RORA: variants seen among roughly 807,000 people sequenced by gnomAD.
RORA encodes the protein nuclear receptor ROR-alpha.
RORA carries 7 observed loss-of-function variants against 69.5 expected under a neutral mutation model. The ratio of observed to expected loss-of-function variants is 0.10; its 90% CI spans 0.06 to 0.19. RORA has a LOEUF of 0.19. Ranked by LOEUF, RORA falls within the 10% of genes least tolerant of loss-of-function variation. The probability of loss-of-function intolerance (pLI) is 1.00; values close to 1 mark genes in which losing one functional copy is unlikely to be tolerated. For synonymous variants in RORA, 261 were observed against 240.8 expected (o/e 1.08, Z -0.78); for missense variants, 457 against 663.0 (o/e 0.69, Z 3.41).
intron 2 of RORA, among the ~76,000 whole-genome samples, chr15:60,644,741 G>A (rs1290354535): frequency 1.3e-5 from 2 of 152,144 alleles, no homozygotes; most frequent in African/African-American, 4.8e-5. Context: ...TGGCTGGTGT[G>A]TGTCCTCCTT....
chr15:60,658,679 AC>A (rs2140712934), intron 2 of RORA, among the ~76,000 whole-genome samples: 1 of 152,332 alleles, frequency 6.6e-6, no homozygotes, highest in South Asian at 2.1e-4. Flanking sequence ...ATAAATGCCA[AC>A]CCAATCTACT....
intron 1 of RORA, among the ~76,000 whole-genome samples, chr15:60,869,914 A>C (rs2073535306): frequency 6.6e-6 from 1 of 152,186 alleles, no homozygotes; most frequent in Admixed American, 6.5e-5. Context: ...TGACTAGGAT[A>C]CATTGCACCA....
intron 1 of RORA, among the ~76,000 whole-genome samples, chr15:61,154,676 T>C (rs1226243853): frequency 6.6e-6 from 1 of 152,166 alleles, no homozygotes; most frequent in Non-Finnish European, 1.5e-5. Context: ...GTCAAGTCCC[T>C]CTCCCAGCCC....
chr15:60,522,964 G>A (rs1294281174), intron 3 of RORA, among the ~76,000 whole-genome samples: 2 of 150,248 alleles, frequency 1.3e-5, no homozygotes, highest in African/African-American at 4.9e-5. Flanking sequence ...TAGCTACCCA[G>A]GAGGCGGAGG....
chr15:61,218,121 G>A (rs1197778752), intron 1 of RORA, among the ~76,000 whole-genome samples: 2 of 151,858 alleles, frequency 1.3e-5, no homozygotes, highest in Non-Finnish European at 2.9e-5. Context: ...TTAAATAATA[G>A]AGCAAACACA....
intron 1 of RORA, among the ~76,000 whole-genome samples, chr15:61,046,017 G>A (rs1421843427): frequency 6.6e-6 from 1 of 152,174 alleles, no homozygotes; most frequent in South Asian, 2.1e-4. Context: ...AGGGCTGGAA[G>A]GTCGGTGGGG....
At chr15:60,893,347 T>C (rs915782014) in intron 1 of RORA, among the ~76,000 whole-genome samples, 3 of 152,308 alleles carry the variant, frequency 2.0e-5, no homozygotes, top group Non-Finnish European at 4.4e-5. Flanking sequence ...CAAGAGGGAA[T>C]GGGATTAGGC....
intron 2 of RORA, among the ~76,000 whole-genome samples, chr15:60,661,002 A>C (rs2070294850): frequency 6.6e-6 from 1 of 151,404 alleles, no homozygotes; most frequent in African/African-American, 2.4e-5. Context: ...AGTGGCTGTA[A>C]TCCATAATAA....
intron 1 of RORA, among the ~76,000 whole-genome samples, chr15:60,747,742 T>C (rs2071668499): frequency 6.6e-6 from 1 of 152,146 alleles, no homozygotes; most frequent in Non-Finnish European, 1.5e-5. Context: ...AAACAGGCCA[T>C]GGTAAGCTCT....
intron 2 of RORA, among the ~76,000 whole-genome samples, chr15:60,571,242 T>C (rs925098214): frequency 1.3e-5 from 2 of 152,092 alleles, no homozygotes; most frequent in African/African-American, 4.8e-5. Context: ...ATACTCAGCA[T>C]GAAGGGACAC....
intron 2 of RORA, among the ~76,000 whole-genome samples, chr15:60,629,184 A>ATTTTTTTTTT (rs2069670023): frequency 2.8e-5 from 2 of 70,286 alleles, no homozygotes; most frequent in African/African-American, 1.4e-4. Context: ...TTGACTGTTT[A>ATTTTTTTTTT]TTCTTTTTTT....
intron 2 of RORA, chr15:60,592,646 CG>C: frequency 8.9e-7 from 1 of 1,122,104 alleles, no homozygotes; most frequent in Non-Finnish European, 1.1e-6. Flanking sequence ...AGGCGGGAGG[CG>C]GGAGGCGGGA....
intron 10 of RORA, among the ~76,000 whole-genome samples, chr15:60,498,852 TA>T (rs1327006954): frequency 8.4e-6 from 1 of 119,206 alleles, no homozygotes; most frequent in East Asian, 2.4e-4. Context: ...AACATAGCTA[TA>T]AAGGAGAAAA....
intron 2 of RORA, among the ~76,000 whole-genome samples, chr15:60,542,006 G>A (rs2066886860): frequency 6.6e-6 from 1 of 152,180 alleles, no homozygotes; most frequent in Non-Finnish European, 1.5e-5. Context: ...ACTGCTATCA[G>A]CTATCCACTG....
chr15:60,720,533 C>A (rs1013748948), intron 1 of RORA, among the ~76,000 whole-genome samples: 3 of 152,162 alleles, frequency 2.0e-5, no homozygotes, highest in Admixed American at 6.5e-5. Context: ...CCTCTTGCCT[C>A]AGGAACTCAG....
chr15:60,516,009 A>T (rs1453830423), intron 3 of RORA, among the ~76,000 whole-genome samples: 1 of 11,794 alleles, frequency 8.5e-5, no homozygotes, highest in Non-Finnish European at 1.7e-4. Context: ...ATTTATATAT[A>T]TTTATATATA....
chr15:61,061,479 G>A lies in RORA; in HGVS notation c.166+167574C>T, dbSNP rs150975658. On this transcript the variant is annotated intron_variant, in intron 1 of 10. Coordinates refer to ENST00000335670, the MANE Select transcript of RORA (RefSeq NM_134261.3). This position sits in a 1 kb window ranked among gnomAD's most constrained non-coding sequence, Gnocchi z 4.4. ...TGTTGCTGACCTGAGAGCTATGGATGCTGTGAGCAGGGGCTTGGTAGGCCA... is the reference window on the plus strand; with the variant it reads ...TGTTGCTGACCTGAGAGCTATGGATACTGTGAGCAGGGGCTTGGTAGGCCA... Among the ~76,000 whole-genome samples the A allele has an allele frequency of 7.6e-4, 115 of 152,274 alleles. No homozygotes were observed. The highest frequency in any genetic ancestry group is 2.6e-3 in the African/African-American group (108 of 41,546).
At chr15:60,717,804 T>TC (rs2071240136) in intron 1 of RORA, among the ~76,000 whole-genome samples, 1 of 144,002 alleles carries the variant, frequency 6.9e-6, no homozygotes, top group Non-Finnish European at 1.5e-5. Flanking sequence ...CTCTTTTTTT[T>TC]TTTTTTTTTT....
chr15:60,588,548 G>A (rs960739116), intron 2 of RORA, among the ~76,000 whole-genome samples: 1 of 152,168 alleles, frequency 6.6e-6, no homozygotes, highest in Non-Finnish European at 1.5e-5. Context: ...GAGCAAATAA[G>A]AAAGTGGTTG....
Sources: allele counts gnomAD v4.1 joint callset (sites outside exome capture counted in the v4.1 genomes callset), GRCh38; gene constraint gnomAD v4.1.1; non-coding constraint Gnocchi (gnomAD v3.1); transcripts MANE v1.5; gene names NCBI Gene and HGNC (gene_info 2026-07-23, HGNC 2026-07-21).